Variants in CNTNAP2 observed in about 807,000 individuals in gnomAD.
The protein encoded by CNTNAP2 is contactin-associated protein-like 2.
A neutral mutation model predicts 155.2 loss-of-function variants in CNTNAP2; 98 were observed. The ratio of observed to expected loss-of-function variants is 0.63; its 90% CI spans 0.54 to 0.75. The LOEUF (loss-of-function observed/expected upper bound fraction) is 0.75, where lower values mean the gene tolerates loss of function less well. Among genes scored for constraint, CNTNAP2 ranks in the 30% least tolerant of loss-of-function variants. CNTNAP2 has a pLI of 0.00. For synonymous variants in CNTNAP2, 651 were observed against 631.2 expected, an observed-to-expected ratio of 1.03 and a Z score of -0.47; for missense variants, 1,727 against 1,688.1, an observed-to-expected ratio of 1.02 and a Z score of -0.40.
At chr7:147,162,085 G>T (rs569481727) in intron 8 of CNTNAP2, 1 of 152,096 alleles carries the variant, frequency 6.6e-6, no homozygotes, top group African/African-American at 2.4e-5. Context: ...AAGGCATCCT[G>T]GGCAATCCCT....
At chr7:147,172,759 G>C (rs1271328651) in intron 8 of CNTNAP2, among the ~76,000 whole-genome samples, 1 of 152,112 alleles carries the variant, frequency 6.6e-6, no homozygotes, top group African/African-American at 2.4e-5. Context: ...TAAAATGAAG[G>C]ATGAGCTCAG....
In CNTNAP2 at chr7:147,055,385, CAT is replaced by C. The variant is rs1799541107; in HGVS notation, c.550+11332_550+11333del. Among the ~76,000 whole-genome samples the C allele has an allele frequency of 3.3e-5, 5 of 152,290 alleles. No individual in the cohort carries two copies. In the South Asian group the frequency reaches 1.0e-3, roughly 32 times the overall value. ...CCCTATTACTCTAGGCCAGAGAGCA[CAT>C]GTCTGATGAAAGAAGAAAAAGCCTG... On this transcript the variant is annotated intron_variant, in intron 4 of 23. Coordinates refer to ENST00000361727, the MANE Select transcript of CNTNAP2 (RefSeq NM_014141.6).
intron 2 of CNTNAP2, 25 bp from the exon 3 acceptor site, chr7:146,839,686 C>T: frequency 6.2e-7 from 1 of 1,613,070 alleles, no homozygotes; most frequent in Non-Finnish European, 8.5e-7. Flanking sequence ...ATTCATTTTC[C>T]CATCTTACCT....
chr7:146,350,779 C>T (rs1794901700), intron 1 of CNTNAP2, among the ~76,000 whole-genome samples: 1 of 151,540 alleles, frequency 6.6e-6, no homozygotes, highest in African/African-American at 2.4e-5. Flanking sequence ...GGAACCAACC[C>T]AAATGTCCAA....
At chr7:146,769,170 A>G (rs1376508596) in intron 1 of CNTNAP2, among the ~76,000 whole-genome samples, 1 of 152,250 alleles carries the variant, frequency 6.6e-6, no homozygotes, top group African/African-American at 2.4e-5. Flanking sequence ...GAAGGGAAGT[A>G]CGCTGGAGAC....
chr7:146,228,820 A>G (rs996499519), intron 1 of CNTNAP2, among the ~76,000 whole-genome samples: 3 of 152,326 alleles, frequency 2.0e-5, no homozygotes, highest in South Asian at 2.1e-4. Context: ...GACAAATTTT[A>G]TTCATAATAT....
chr7:146,320,432 G>A (rs1222130044), intron 1 of CNTNAP2, among the ~76,000 whole-genome samples: 1 of 152,086 alleles, frequency 6.6e-6, no homozygotes, highest in African/African-American at 2.4e-5. Context: ...TTATTATACT[G>A]AGGCAGAATG....
intron 3 of CNTNAP2, among the ~76,000 whole-genome samples, chr7:147,042,622 A>AT (rs1454232009): frequency 1.3e-5 from 2 of 152,040 alleles, no homozygotes; most frequent in Admixed American, 1.3e-4. Flanking sequence ...ATTAAAGATA[A>AT]TTTTTTTAAA....
At chr7:148,413,401 A>AAAAAAAAAATATATATATAT (rs1442990213) in intron 23 of CNTNAP2, among the ~76,000 whole-genome samples, 2 of 45,376 alleles carry the variant, frequency 4.4e-5, no homozygotes, top group African/African-American at 1.3e-4. Flanking sequence ...TCAAAAAAAA[A>AAAAAAAAAATATATATATAT]ATATATATAT....
intron 9 of CNTNAP2, among the ~76,000 whole-genome samples, chr7:147,348,419 G>C (rs1010582703): frequency 4.0e-5 from 6 of 151,456 alleles, no homozygotes; most frequent in African/African-American, 1.5e-4. Flanking sequence ...CTAATTATCA[G>C]GCAAATACAA....
chr7:148,281,829 C>T (rs919479225), intron 21 of CNTNAP2, among the ~76,000 whole-genome samples: 7 of 120,050 alleles, frequency 5.8e-5, no homozygotes, highest in Admixed American at 4.8e-4. Flanking sequence ...TACTTCACAA[C>T]GTTTCCTTTT....
chr7:146,644,623 A>T (rs1175399126), intron 1 of CNTNAP2, among the ~76,000 whole-genome samples: 1 of 152,022 alleles, frequency 6.6e-6, no homozygotes, highest in Non-Finnish European at 1.5e-5. Context: ...TCGCAAATAG[A>T]CGCAATAAAA....
At chr7:146,663,856 C>CATTTATTTATTTATTT (rs1456857729) in intron 1 of CNTNAP2, among the ~76,000 whole-genome samples, 1 of 151,802 alleles carries the variant, frequency 6.6e-6, no homozygotes, top group African/African-American at 2.4e-5. Context: ...TTTATTTATT[C>CATTTATTTATTTATTT]ATTTATTTAT....
intron 2 of CNTNAP2, among the ~76,000 whole-genome samples, chr7:146,777,372 G>T (rs1482048079): frequency 6.6e-6 from 1 of 152,142 alleles, no homozygotes; most frequent in Non-Finnish European, 1.5e-5. Flanking sequence ...TTTACGGATG[G>T]TGAGGTAACT....
At chr7:146,629,446 T>A (rs991659212) in intron 1 of CNTNAP2, among the ~76,000 whole-genome samples, 6 of 152,156 alleles carry the variant, frequency 3.9e-5, no homozygotes, top group Non-Finnish European at 5.9e-5. Flanking sequence ...TATCATTTTT[T>A]AAAAATGTAG....
rs1388927440 is a variant in CNTNAP2, at chr7:148,264,510, G to A, written c.3382-2523G>A. 2.6e-5 allele frequency among the ~76,000 whole-genome samples: 4 copies of A among 152,112 alleles called. No individual in the cohort carries two copies. The East Asian group carries it at 7.7e-4, about 29-fold the overall frequency. ...AGTTAAAAAATATACAAAACAATGT[G>A]TTACTTGGGTTCCATCCCTTTTTTA... On this transcript the variant is annotated intron_variant, in intron 20 of 23. Coordinates refer to ENST00000361727, the MANE Select transcript of CNTNAP2 (RefSeq NM_014141.6).
At chr7:147,184,633 G>C (rs965007733) in intron 8 of CNTNAP2, among the ~76,000 whole-genome samples, 1 of 151,878 alleles carries the variant, frequency 6.6e-6, no homozygotes, top group Non-Finnish European at 1.5e-5. Flanking sequence ...TTCAAATTAA[G>C]ATAGCAACAA....
intron 1 of CNTNAP2, among the ~76,000 whole-genome samples, chr7:146,380,635 G>T (rs1318571368): frequency 6.6e-6 from 1 of 151,564 alleles, no homozygotes; most frequent in Non-Finnish European, 1.5e-5. Context: ...TATTTGTTTT[G>T]CATTTCCCAT....
chr7:146,597,770 C>T (rs1013541394), intron 1 of CNTNAP2, among the ~76,000 whole-genome samples: 1 of 151,936 alleles, frequency 6.6e-6, no homozygotes, highest in Non-Finnish European at 1.5e-5. Context: ...TTAAATTTTA[C>T]GTTGTTATTT....
Sources: gnomAD v4.1 joint callset for allele counts (sites outside exome capture counted in the v4.1 genomes callset) on GRCh38, gnomAD v4.1.1 for gene constraint, MANE v1.5 for transcripts, NCBI Gene and HGNC (gene_info 2026-07-23, HGNC 2026-07-21) for gene names.